Variants in PLA2G4C observed in about 807,000 individuals in gnomAD.
PLA2G4C encodes the protein phospholipase A2 group IVC, also known as cytosolic phospholipase A2 gamma.
Under a neutral mutation model 73.8 loss-of-function variants are expected in PLA2G4C, and 64 were observed. That is an observed-to-expected ratio of 0.87 (90% CI 0.71 to 1.07). The LOEUF (loss-of-function observed/expected upper bound fraction) is 1.07. Ranked by LOEUF, PLA2G4C falls within the 50% of genes least tolerant of loss-of-function variation. The pLI, the probability that PLA2G4C is intolerant of heterozygous loss-of-function variation, is 0.00. For synonymous variants in PLA2G4C, 254 were observed against 252.1 expected, an observed-to-expected ratio of 1.01 and a Z score of -0.07; for missense variants, 622 against 665.4, an observed-to-expected ratio of 0.93 and a Z score of 0.72.
intron 14 of PLA2G4C, among the ~76,000 whole-genome samples, chr19:48,056,265 G>A (rs555586513): frequency 3.3e-5 from 5 of 152,126 alleles, no homozygotes; most frequent in African/African-American, 7.2e-5. Context: ...AGATCAATGC[G>A]GGCCAGGCGT....
At chr19:48,070,468 A>G (rs894459150) in intron 12 of PLA2G4C, among the ~76,000 whole-genome samples, 4 of 152,220 alleles carry the variant, frequency 2.6e-5, no homozygotes, top group African/African-American at 9.6e-5. Flanking sequence ...CACTATTCAC[A>G]ATAGCAAAGA....
Position 48,094,818 on chromosome 19 carries a change from A to T in PLA2G4C, c.709+646T>A, listed in dbSNP as rs533621323. ...AATTTTTTCTGGAAATACCCCATTT[A>T]AAAAAAATTGTATGCCCCTTGCTTT... On this transcript the variant is annotated intron_variant, in intron 7 of 16. Coordinates refer to ENST00000599921, the MANE Select transcript of PLA2G4C (RefSeq NM_003706.3). 4.6e-4 allele frequency among the ~76,000 whole-genome samples: 69 copies of T among 149,270 alleles called. No individual in the cohort carries two copies. The Middle Eastern group carries it at 0.01, about 22-fold the overall frequency.
chr19:48,056,217 C>T (rs1230384864), intron 14 of PLA2G4C, among the ~76,000 whole-genome samples: 1 of 152,074 alleles, frequency 6.6e-6, no homozygotes, highest in East Asian at 1.9e-4. Flanking sequence ...TCTGTTAAGT[C>T]CTGCAAGCTG....
chr19:48,081,459 A>T (rs2030557648), intron 10 of PLA2G4C, among the ~76,000 whole-genome samples: 1 of 152,016 alleles, frequency 6.6e-6, no homozygotes, highest in African/African-American at 2.4e-5. Context: ...AGGTGGGGAT[A>T]AAAAACTACA....
chr19:48,069,859 C>G (rs12974333), intron 12 of PLA2G4C, among the ~76,000 whole-genome samples: 39,247 of 151,980 alleles, frequency 0.26, 5,331 homozygotes, highest in East Asian at 0.49. Flanking sequence ...CCGCCTCCTG[C>G]GCTCAAGTGA....
intron 10 of PLA2G4C, among the ~76,000 whole-genome samples, chr19:48,083,529 C>T (rs2030778117): frequency 1.3e-5 from 2 of 148,226 alleles, no homozygotes; most frequent in East Asian, 2.0e-4. Context: ...CTCACTGCAA[C>T]CTCCACCTCC....
chr19:48,069,538 A>G (rs1361196862), intron 12 of PLA2G4C, among the ~76,000 whole-genome samples: 1 of 151,710 alleles, frequency 6.6e-6, no homozygotes, highest in Non-Finnish European at 1.5e-5. Context: ...TGCTCCTCCC[A>G]ATCTCATCTG....
At chr19:48,094,782 G>T (rs1238224035) in intron 7 of PLA2G4C, among the ~76,000 whole-genome samples, 1 of 151,962 alleles carries the variant, frequency 6.6e-6, no homozygotes, top group African/African-American at 2.4e-5. Flanking sequence ...TTTGTTTTTG[G>T]TTTTTGTTGT....
intron 7 of PLA2G4C, 60 bp from the exon 8 acceptor site, chr19:48,090,477 T>C (rs2031233670): frequency 8.2e-7 from 1 of 1,226,824 alleles, no homozygotes; most frequent in Non-Finnish European, 1.2e-6. Flanking sequence ...TCATGTTTGA[T>C]ATTCAAAGCA....
At chr19:48,107,350 T>TGAAACA (rs1555756539) in intron 1 of PLA2G4C, among the ~76,000 whole-genome samples, 1 of 151,378 alleles carries the variant, frequency 6.6e-6, no homozygotes, top group African/African-American at 2.4e-5. Flanking sequence ...TTCTTTTTTT[T>TGAAACA]AAAACAAAAA....
At chr19:48,049,279 A>G (rs1021149733) in intron 16 of PLA2G4C, among the ~76,000 whole-genome samples, 1 of 152,080 alleles carries the variant, frequency 6.6e-6, no homozygotes, top group African/African-American at 2.4e-5. Context: ...TTTCCTTTGC[A>G]CAGAATTCTG....
intron 13 of PLA2G4C, among the ~76,000 whole-genome samples, chr19:48,063,156 G>A (rs1968258490): frequency 6.6e-6 from 1 of 152,068 alleles, no homozygotes; most frequent in African/African-American, 2.4e-5. Context: ...GTGATTCTCT[G>A]CCTCAGCCTC....
chr19:48,098,873 G>A (rs1175956465), intron 5 of PLA2G4C, among the ~76,000 whole-genome samples: 2 of 151,350 alleles, frequency 1.3e-5, no homozygotes, highest in African/African-American at 2.4e-5. Flanking sequence ...CTGCACTCCA[G>A]CCTGGACGAC....
Position 48,077,765 on chromosome 19 carries a change from G to A in PLA2G4C, c.898+6C>T. ...TTAGGGATTCATGGCAAAGTAGGATGCTTACCTTCTGGGGGAGGATGTTCC... is the reference window on the plus strand; with the variant it reads ...TTAGGGATTCATGGCAAAGTAGGATACTTACCTTCTGGGGGAGGATGTTCC... On this transcript the variant is annotated splice_donor_region_variant and intron_variant, in intron 11 of 16. Coordinates refer to ENST00000599921, the MANE Select transcript of PLA2G4C (RefSeq NM_003706.3). 6.2e-7 allele frequency: 1 copy of A among 1,603,084 alleles called. No homozygotes were observed.
At chr19:48,083,387 CTTTTCTTTTTT>C (rs770967129) in intron 10 of PLA2G4C, among the ~76,000 whole-genome samples, 3,970 of 58,670 alleles carry the variant, frequency 0.068, 155 homozygotes, top group African/African-American at 0.19. Context: ...TGTTGATTTT[CTTTTCTTTTTT>C]TTTTTTTTTT....
intron 6 of PLA2G4C, among the ~76,000 whole-genome samples, chr19:48,096,075 G>A (rs918790216): frequency 3.9e-5 from 6 of 152,130 alleles, no homozygotes; most frequent in African/African-American, 1.4e-4. Context: ...AGCTTGGGAT[G>A]GGCGGGCCAG....
At position 48,110,491 on chromosome 19, in the gene PLA2G4C, G is replaced by A. The variant is rs2032441435; in HGVS notation, c.-37C>T. The A allele has an allele frequency of 6.5e-6, 10 of 1,538,238 alleles. No homozygotes were observed. The East Asian group carries it at 2.2e-4, about 34-fold the overall frequency. On this transcript the variant is annotated 5_prime_UTR_variant, in exon 1 of 17. Coordinates refer to ENST00000599921, the MANE Select transcript of PLA2G4C (RefSeq NM_003706.3). ...CTCCCTGCCCCCACGGCTTGCCTGA[G>A]CCTGGGTCTGGGGCGTGTGCGCATG...
intron 14 of PLA2G4C, among the ~76,000 whole-genome samples, chr19:48,058,495 G>C (rs1180142674): frequency 3.9e-5 from 6 of 152,084 alleles, no homozygotes; most frequent in Admixed American, 1.3e-4. Context: ...GTATTACAGA[G>C]GAATTTACTG....
chr19:48,091,883 CAA>C (rs35118449), intron 7 of PLA2G4C, among the ~76,000 whole-genome samples: 287 of 21,044 alleles, frequency 0.014, no homozygotes, highest in African/African-American at 0.053. Context: ...GACTCCATCT[CAA>C]AAAAAAAAAA....
Sources: allele counts gnomAD v4.1 joint callset (sites outside exome capture counted in the v4.1 genomes callset), GRCh38; gene constraint gnomAD v4.1.1; transcripts MANE v1.5; gene names NCBI Gene and HGNC (gene_info 2026-07-23, HGNC 2026-07-21).